INSYN2A: variants seen among roughly 807,000 people sequenced by gnomAD.
INSYN2A encodes the protein family with sequence similarity 196 member A.
In INSYN2A, 17 loss-of-function variants were observed where a neutral mutation model predicts 39.4. That is an observed-to-expected ratio of 0.43 (90% CI 0.30 to 0.65). The LOEUF is 0.65. Ranked by LOEUF, INSYN2A falls within the 30% of genes least tolerant of loss-of-function variation. The pLI, the probability that INSYN2A is intolerant of heterozygous loss-of-function variation, is 0.14. For missense variants in INSYN2A, 595 were observed against 631.2 expected (o/e 0.94, Z 0.61); for synonymous variants, 255 against 265.7 (o/e 0.96, Z 0.39).
At chr10:127,168,073 A>G (rs1342184937) in intron 4 of INSYN2A, among the ~76,000 whole-genome samples, 1 of 152,128 alleles carries the variant, frequency 6.6e-6, no homozygotes, top group Non-Finnish European at 1.5e-5. Flanking sequence ...TTACAGAGAA[A>G]AGCTGAGGTC....
At chr10:127,167,528 A>G (rs2483848) in intron 4 of INSYN2A, among the ~76,000 whole-genome samples, 151,852 of 152,192 alleles carry the variant, frequency 1, 75,757 homozygotes, top group Middle Eastern at 1. Flanking sequence ...ACTTTTATGA[A>G]TATTATAAGG....
chr10:127,155,697 T>C (rs544672433), intron 4 of INSYN2A, among the ~76,000 whole-genome samples: 3 of 152,288 alleles, frequency 2.0e-5, no homozygotes, highest in African/African-American at 7.2e-5. Flanking sequence ...GTCCACCCTA[T>C]GGCAAGGCTC....
intron 5 of INSYN2A, among the ~76,000 whole-genome samples, chr10:127,141,688 A>C (rs546173485): frequency 6.6e-6 from 1 of 152,246 alleles, no homozygotes; most frequent in South Asian, 2.1e-4. Context: ...AAAAAAAAAA[A>C]AAAGCAAATT....
chr10:127,176,170 T>C lies in INSYN2A; in HGVS notation c.226A>G (p.Lys76Glu). The C allele has an allele frequency of 6.2e-7, 1 of 1,614,132 alleles. No individual in the cohort carries two copies. The highest frequency in any genetic ancestry group is 8.5e-7 in the Non-Finnish European group (1 of 1,180,038). Residue 76 changes from lysine (K) to glutamate (E), a missense_variant, in exon 4 of 6, where the codon AAG (lysine) becomes GAG (glutamate). Lys to Glu is a moderately conservative substitution (Grantham distance 56). Around this residue, in one of 2 missense-constraint regions of INSYN2A, gnomAD observed 478 missense variants for 467.4 expected, o/e 1.02. Coordinates refer to ENST00000522781, the MANE Select transcript of INSYN2A (RefSeq NM_001039762.3). The surrounding 1 kb of genome is among the most constrained non-coding windows in gnomAD (Gnocchi z 4.4). ...TAGGCTGCTCTGCAGGACACGGGCT[T>C]GGCCTCCCGCTTCTCCCCCAGCTGG... ...SGQLGEKREAKPVSCRAAYRK... is the reference protein window; with the variant it reads ...SGQLGEKREAEPVSCRAAYRK...
At chr10:127,190,256 C>A (rs937632306) in intron 2 of INSYN2A, among the ~76,000 whole-genome samples, 4 of 152,122 alleles carry the variant, frequency 2.6e-5, no homozygotes, top group Non-Finnish European at 5.9e-5. Context: ...GTGCTTTTTT[C>A]TTTTCTAAAC....
intron 4 of INSYN2A, among the ~76,000 whole-genome samples, chr10:127,155,267 A>G (rs992994764): frequency 2.0e-5 from 3 of 151,924 alleles, no homozygotes; most frequent in African/African-American, 4.8e-5. Context: ...CTGTTACATC[A>G]ACATTTGACA....
intron 5 of INSYN2A, among the ~76,000 whole-genome samples, chr10:127,143,081 C>CT (rs2051427492): frequency 6.6e-6 from 1 of 152,206 alleles, no homozygotes; most frequent in Non-Finnish European, 1.5e-5. Flanking sequence ...AGCTTATTCT[C>CT]TGTTTGTCTC....
At chr10:127,178,075 G>A (rs1407076950) in intron 2 of INSYN2A, among the ~76,000 whole-genome samples, 1 of 152,080 alleles carries the variant, frequency 6.6e-6, no homozygotes, top group African/African-American at 2.4e-5. Flanking sequence ...CGAGGTGCAC[G>A]GTGGTTCCAT....
intron 4 of INSYN2A, among the ~76,000 whole-genome samples, chr10:127,173,527 G>A (rs2054778807): frequency 6.6e-6 from 1 of 151,980 alleles, no homozygotes; most frequent in Non-Finnish European, 1.5e-5. Flanking sequence ...TTCTTCTTTG[G>A]GCACACACTC....
intron 5 of INSYN2A, among the ~76,000 whole-genome samples, chr10:127,149,525 G>A (rs932410501): frequency 6.6e-6 from 1 of 152,150 alleles, no homozygotes; most frequent in Non-Finnish European, 1.5e-5. Flanking sequence ...CCAGGCAGCC[G>A]GGTCTTGAAC....
At chr10:127,179,730 G>C (rs749393849) in intron 2 of INSYN2A, among the ~76,000 whole-genome samples, 2 of 152,180 alleles carry the variant, frequency 1.3e-5, no homozygotes, top group Non-Finnish European at 2.9e-5. Flanking sequence ...CTTTCCCTAA[G>C]ACAAGTGGAA....
At chr10:127,169,027 T>C (rs2054327563) in intron 4 of INSYN2A, among the ~76,000 whole-genome samples, 1 of 152,182 alleles carries the variant, frequency 6.6e-6, no homozygotes, top group Non-Finnish European at 1.5e-5. Context: ...AGCAAGTATA[T>C]CATTTCTACC....
At chr10:127,149,951 A>G (rs919997032) in intron 5 of INSYN2A, among the ~76,000 whole-genome samples, 2 of 152,168 alleles carry the variant, frequency 1.3e-5, no homozygotes, top group African/African-American at 4.8e-5. Flanking sequence ...CCAGGCTTTG[A>G]TCTGACAGCA....
In INSYN2A at chr10:127,176,446, A is replaced by C. The variant is rs1402622196; in HGVS notation, c.-5-46T>G. The C allele has an allele frequency of 6.8e-7, 1 of 1,471,950 alleles. No homozygotes were observed. Among genetic ancestry groups the C allele is most frequent in the East Asian group, 2.3e-5 (1 of 43,876 alleles). The allele number at this position is 1,471,950 out of a possible 1,614,324, so 91.2% of individuals were successfully genotyped here. A position where few individuals can be genotyped will look rare whatever the true frequency, so the allele number is the denominator to read the frequency against. On this transcript the variant is annotated intron_variant, in intron 3 of 5. Coordinates refer to ENST00000522781, the MANE Select transcript of INSYN2A (RefSeq NM_001039762.3). This position sits in a 1 kb window ranked among gnomAD's most constrained non-coding sequence, Gnocchi z 4.4. ...AGAGGTGTCAGTGGGACAGAAATAC[A>C]CACTCAAGCACCGGCCGCACAAACT...
intron 4 of INSYN2A, among the ~76,000 whole-genome samples, chr10:127,166,390 G>C (rs915192858): frequency 1.3e-5 from 2 of 152,228 alleles, no homozygotes; most frequent in Non-Finnish European, 2.9e-5. Flanking sequence ...ATTTTCATTA[G>C]TTCATGTTGG....
chr10:127,180,681 A>G lies in INSYN2A; in HGVS notation c.-268-3542T>C, dbSNP rs2055640572. On this transcript the variant is annotated intron_variant, in intron 2 of 5. Transcript: ENST00000522781. The stretch of plus-strand genomic sequence containing the variant: ...TATGAAAATGTGCATTCCAACTTAA[A>G]TAAGTGAAAAATGGAAGCAACTTAA... Among the ~76,000 whole-genome samples, 8 of 152,250 alleles carry G rather than the reference A, an allele frequency of 5.3e-5. No homozygotes were observed. In the South Asian group the frequency reaches 1.4e-3, roughly 28 times the overall value.
intron 4 of INSYN2A, among the ~76,000 whole-genome samples, chr10:127,155,519 G>A (rs757927491): frequency 3.3e-5 from 5 of 152,068 alleles, no homozygotes; most frequent in Admixed American, 2.0e-4. Flanking sequence ...AGGCCATTCC[G>A]TTCTCCCGTT....
At position 127,176,481 on chromosome 10, in the gene INSYN2A, C is replaced by T; in HGVS notation, c.-5-81G>A. 1.8e-6 allele frequency: 2 copies of T among 1,140,026 alleles called. No homozygotes were observed. The highest frequency in any genetic ancestry group is 1.2e-6 in the Non-Finnish European group (1 of 803,962). The allele number at this position is 1,140,026 out of a possible 1,614,324, so 70.6% of individuals were successfully genotyped here. On this transcript the variant is annotated intron_variant, in intron 3 of 5. Coordinates refer to ENST00000522781, the MANE Select transcript of INSYN2A (RefSeq NM_001039762.3). This position sits in a 1 kb window ranked among gnomAD's most constrained non-coding sequence, Gnocchi z 4.4. The stretch of plus-strand genomic sequence containing the variant: ...ACCGGCCGCACAAACTTTTAGCCAC[C>T]ACGACGACTGCCTGTTTCCTAATTA...
chr10:127,160,807 C>G (rs755074700), intron 4 of INSYN2A, among the ~76,000 whole-genome samples: 6 of 152,206 alleles, frequency 3.9e-5, no homozygotes, highest in Non-Finnish European at 8.8e-5. Context: ...AGTTTGATCT[C>G]TCTTGTTCTT....
Sources: gnomAD v4.1 joint callset for allele counts (sites outside exome capture counted in the v4.1 genomes callset) on GRCh38, gnomAD v4.1.1 for gene constraint, gnomAD v4.1.1 regional missense constraint, Gnocchi (gnomAD v3.1) non-coding constraint, MANE v1.5 for transcripts, NCBI Gene and HGNC (gene_info 2026-07-23, HGNC 2026-07-21) for gene names.